The following CELF4 variants were observed in gnomAD, a reference collection of about 807,000 sequenced individuals.
CELF4 encodes CUGBP Elav-like family member 4.
A neutral mutation model predicts 59.9 loss-of-function variants in CELF4; 18 were observed. The ratio of observed to expected loss-of-function variants is 0.30; its 90% CI spans 0.21 to 0.45. CELF4 has a LOEUF of 0.45. Ranked by LOEUF, CELF4 falls within the 20% of genes least tolerant of loss-of-function variation. The pLI is 1.00. For missense variants in CELF4, 456 were observed against 689.0 expected (o/e 0.66, Z 3.79); for synonymous variants, 261 against 267.1 (o/e 0.98, Z 0.22).
At chr18:37,273,427 G>T in intron 6 of CELF4, 1 of 1,204,686 alleles carries the variant, frequency 8.3e-7, no homozygotes, top group Non-Finnish European at 1.0e-6. Flanking sequence ...CAGAGGAGGA[G>T]ACTGGCTCTG....
chr18:37,376,647 C>T (rs376008518), intron 2 of CELF4, among the ~76,000 whole-genome samples: 191 of 152,278 alleles, frequency 1.3e-3, no homozygotes, highest in African/African-American at 3.6e-3. Flanking sequence ...TCTGGGTGAA[C>T]GCAGGAATCT....
At chr18:37,344,907 C>T (rs2098195068) in intron 2 of CELF4, among the ~76,000 whole-genome samples, 1 of 152,158 alleles carries the variant, frequency 6.6e-6, no homozygotes, top group Non-Finnish European at 1.5e-5. Context: ...GCCCTTTTTG[C>T]AGACTCTAAG....
chr18:37,325,510 C>G (rs1417143588), intron 2 of CELF4, among the ~76,000 whole-genome samples: 2 of 152,244 alleles, frequency 1.3e-5, no homozygotes, highest in African/African-American at 4.8e-5. Context: ...AGCCCACTGT[C>G]CTTGGCATCT....
intron 1 of CELF4, among the ~76,000 whole-genome samples, chr18:37,491,507 A>T (rs1041877389): frequency 1.3e-5 from 2 of 152,086 alleles, no homozygotes; most frequent in African/African-American, 4.8e-5. Context: ...TTCTATGTCT[A>T]TACGGCTAAG....
chr18:37,465,972 G>A (rs1162632884), intron 2 of CELF4, among the ~76,000 whole-genome samples: 2 of 152,162 alleles, frequency 1.3e-5, no homozygotes, highest in Non-Finnish European at 2.9e-5. Flanking sequence ...GCACCAGGGA[G>A]CCATGGAGGG....
intron 2 of CELF4, among the ~76,000 whole-genome samples, chr18:37,420,383 GA>G (rs1372837568): frequency 6.6e-6 from 1 of 152,244 alleles, no homozygotes; most frequent in Admixed American, 6.5e-5. Context: ...TTCCGATGAG[GA>G]GTGAATGAAA....
At chr18:37,355,153 G>A (rs61700326) in intron 2 of CELF4, among the ~76,000 whole-genome samples, 29,150 of 152,162 alleles carry the variant, frequency 0.19, 3,047 homozygotes, top group East Asian at 0.32. Context: ...GAGACAGTGT[G>A]AGCCTGCTTG....
At chr18:37,490,418 G>T (rs535826974) in intron 1 of CELF4, among the ~76,000 whole-genome samples, 6 of 152,200 alleles carry the variant, frequency 3.9e-5, no homozygotes, top group African/African-American at 1.4e-4. Context: ...AGGATGAAAT[G>T]AAAAGGAGGT....
chr18:37,391,314 T>G (rs1310540909), intron 2 of CELF4, among the ~76,000 whole-genome samples: 1 of 152,118 alleles, frequency 6.6e-6, no homozygotes, highest in African/African-American at 2.4e-5. Flanking sequence ...AAGCTGCCCC[T>G]CTCTAAGGAG....
intron 3 of CELF4, among the ~76,000 whole-genome samples, chr18:37,302,540 T>A (rs554169041): frequency 6.6e-6 from 1 of 152,210 alleles, no homozygotes; most frequent in South Asian, 2.1e-4. Flanking sequence ...AGGATGCACA[T>A]CAGTGACCAC....
intron 2 of CELF4, among the ~76,000 whole-genome samples, chr18:37,426,933 TC>T (rs2099616959): frequency 7.3e-6 from 1 of 136,938 alleles, no homozygotes; most frequent in Non-Finnish European, 1.5e-5. Context: ...GAGACTTTAA[TC>T]CCAATCACTC....
intron 3 of CELF4, among the ~76,000 whole-genome samples, chr18:37,298,921 C>T (rs930528636): frequency 6.6e-6 from 1 of 152,198 alleles, no homozygotes; most frequent in Non-Finnish European, 1.5e-5. Flanking sequence ...GCTCTCTTCC[C>T]TAGCTTGTAA....
At chr18:37,477,231 C>G (rs1323279861) in intron 2 of CELF4, among the ~76,000 whole-genome samples, 8 of 152,206 alleles carry the variant, frequency 5.3e-5, no homozygotes, top group Admixed American at 5.2e-4. Context: ...GTTAATGGAG[C>G]AGCCTGGGCC....
At chr18:37,417,597 C>A (rs1478046785) in intron 2 of CELF4, among the ~76,000 whole-genome samples, 1 of 152,216 alleles carries the variant, frequency 6.6e-6, no homozygotes, top group Non-Finnish European at 1.5e-5. Context: ...GTGCTTCTTG[C>A]AGCACTGGCC....
intron 1 of CELF4, among the ~76,000 whole-genome samples, chr18:37,541,856 G>A (rs566275384): frequency 1.3e-5 from 2 of 152,166 alleles, no homozygotes; most frequent in East Asian, 1.9e-4. Flanking sequence ...CCACTGACAC[G>A]TATACAGCGG....
chr18:37,393,386 ACTGG>A (rs967562172), intron 2 of CELF4, among the ~76,000 whole-genome samples: 1 of 152,220 alleles, frequency 6.6e-6, no homozygotes, highest in African/African-American at 2.4e-5. Context: ...TCTCCAGGGC[ACTGG>A]CTGGGGCCCA....
intron 2 of CELF4, among the ~76,000 whole-genome samples, chr18:37,343,279 C>T (rs1373028935): frequency 6.6e-6 from 1 of 150,656 alleles, no homozygotes; most frequent in Non-Finnish European, 1.5e-5. Context: ...TGTTGTGAGG[C>T]CCTGTGTGCA....
At chr18:37,416,652 C>G (rs534895714) in intron 2 of CELF4, among the ~76,000 whole-genome samples, 1 of 152,284 alleles carries the variant, frequency 6.6e-6, no homozygotes, top group East Asian at 1.9e-4. Context: ...GCTCAGCCAG[C>G]CTGGGGGGCC....
intron 10 of CELF4, among the ~76,000 whole-genome samples, chr18:37,264,092 T>C (rs1213547516): frequency 6.6e-6 from 1 of 152,168 alleles, no homozygotes; most frequent in Admixed American, 6.5e-5. Flanking sequence ...CACCATGTTG[T>C]TGGAGTCTCA....
Sources: allele counts gnomAD v4.1 joint callset (sites outside exome capture counted in the v4.1 genomes callset), GRCh38; gene constraint gnomAD v4.1.1; transcripts MANE v1.5; gene names NCBI Gene and HGNC (gene_info 2026-07-23, HGNC 2026-07-21).